The following SHISAL1 variants were observed in gnomAD, a reference collection of about 807,000 sequenced individuals.
SHISAL1 encodes the protein protein shisa-like-1.
In SHISAL1, 9 loss-of-function variants were observed where a neutral mutation model predicts 22.6. The observed-to-expected ratio is 0.40, with a 90% CI of 0.24 to 0.70. The LOEUF is 0.70. SHISAL1 is among the 30% of genes least tolerant of loss of function. The pLI, the probability that SHISAL1 is intolerant of heterozygous loss-of-function variation, is 0.39. For synonymous variants in SHISAL1, 119 were observed against 115.4 expected (o/e 1.03, Z -0.20); for missense variants, 246 against 270.6 (o/e 0.91, Z 0.64).
chr22:44,253,603 T>G (rs1205112060), intron 4 of SHISAL1, among the ~76,000 whole-genome samples: 1 of 151,418 alleles, frequency 6.6e-6, no homozygotes, highest in African/African-American at 2.4e-5. Context: ...CTAATTTTTT[T>G]TTTTTTTTTT....
Position 44,309,679 on chromosome 22 carries a change from A to G in SHISAL1, c.-33+3072T>C, listed in dbSNP as rs193201910. 9.1e-3 allele frequency among the ~76,000 whole-genome samples: 1,388 copies of G among 152,250 alleles called. 56 individuals carry two copies. Among genetic ancestry groups the G allele is most frequent in the Admixed American group, 0.077 (1,178 of 15,304 alleles). ...AGCACTTGTGTGCATGCCTGTCTCC[A>G]CACAGCACACACATGTACACACGTG... On this transcript the variant is annotated intron_variant, in intron 1 of 4. Coordinates refer to ENST00000381176, the MANE Select transcript of SHISAL1 (RefSeq NM_001099294.2).
chr22:44,270,776 G>T (rs147142763), intron 4 of SHISAL1, among the ~76,000 whole-genome samples: 129 of 152,292 alleles, frequency 8.5e-4, no homozygotes, highest in South Asian at 1.0e-3. Flanking sequence ...TGCCCAGTGA[G>T]ACCACCAGCA....
intron 3 of SHISAL1, among the ~76,000 whole-genome samples, chr22:44,295,049 T>A (rs1049456545): frequency 6.6e-6 from 1 of 152,104 alleles, no homozygotes; most frequent in Non-Finnish European, 1.5e-5. Flanking sequence ...ACTAACTGGA[T>A]TTTTTTGGGG....
chr22:44,250,721 A>C lies in SHISAL1; in HGVS notation c.*-1036T>G, dbSNP rs909058945. ...GCATGAGAATGAAAGACGCTCACTA[A>C]CACAGGTGGAGTAGAAAGCAGGCAG... is the stretch of plus-strand genomic sequence containing the variant. On this transcript the variant is annotated intron_variant, in intron 4 of 4. Coordinates refer to ENST00000381176, the MANE Select transcript of SHISAL1 (RefSeq NM_001099294.2). 3.9e-5 allele frequency among the ~76,000 whole-genome samples: 6 copies of C among 152,218 alleles called. No homozygotes were observed. The South Asian group carries it at 8.3e-4, about 21-fold the overall frequency.
chr22:44,269,602 A>G (rs929697579), intron 4 of SHISAL1, among the ~76,000 whole-genome samples: 1 of 144,428 alleles, frequency 6.9e-6, no homozygotes, highest in Non-Finnish European at 1.5e-5. Context: ...ACACACACAC[A>G]CGCCACACAG....
the SHISAL1 span, among the ~76,000 whole-genome samples, chr22:44,323,668 CA>C: frequency 2.0e-5 from 3 of 150,150 alleles, no homozygotes; most frequent in African/African-American, 7.4e-5. Flanking sequence ...TCCATCCATC[CA>C]TCCATCCATC....
intron 4 of SHISAL1, among the ~76,000 whole-genome samples, chr22:44,274,133 C>G (rs548733421): frequency 6.7e-6 from 1 of 148,314 alleles, no homozygotes; most frequent in East Asian, 2.1e-4. Flanking sequence ...GTAATCCCAG[C>G]TACTCGGGAA....
At chr22:44,302,138 C>T (rs926410977) in intron 1 of SHISAL1, among the ~76,000 whole-genome samples, 32 of 152,048 alleles carry the variant, frequency 2.1e-4, no homozygotes, top group Non-Finnish European at 3.1e-4. Context: ...GTCAGGAGTT[C>T]GAGACCAGCC....
In SHISAL1 at chr22:44,249,405, A is replaced by G. The variant is rs1405370009; in HGVS notation, c.*280T>C. On this transcript the variant is annotated 3_prime_UTR_variant, in exon 5 of 5. Transcript: ENST00000381176. ...TTGTCTTGGTCATCCTGAGTCCACA[A>G]TGAGTCACCTCTCAGAAGCCACCAG... 5.1e-6 allele frequency: 2 copies of G among 395,168 alleles called. No homozygotes were observed. The highest frequency in any genetic ancestry group is 4.6e-6 in the Non-Finnish European group (1 of 217,792). The allele number at this position is 395,168 out of a possible 1,614,324, so 24.5% of individuals were successfully genotyped here. A position where few individuals can be genotyped will look rare whatever the true frequency, so the allele number is the denominator to read the frequency against.
rs1238104646 is a variant in SHISAL1 at position 44,247,084 on chromosome 22, TCTAG to T, written c.*2597_*2600del. 2.0e-5 allele frequency: 3 copies of T among 152,290 alleles called. No individual in the cohort carries two copies. The highest frequency in any genetic ancestry group is 2.1e-4 in the South Asian group (1 of 4,808). 9.4% of individuals were successfully genotyped at this position (152,290 alleles called of 1,614,324 possible). A position where few individuals can be genotyped will look rare whatever the true frequency, so the allele number is the denominator to read the frequency against. On this transcript the variant is annotated 3_prime_UTR_variant, in exon 5 of 5. Coordinates refer to ENST00000381176, the MANE Select transcript of SHISAL1 (RefSeq NM_001099294.2). ...AAGGGATGCTTAGGTGAACCCCAGT[TCTAG>T]CTGTCTATTTGGCAGTGACCTTTGA...
At chr22:44,294,635 C>T (rs1275047393) in intron 3 of SHISAL1, among the ~76,000 whole-genome samples, 1 of 152,084 alleles carries the variant, frequency 6.6e-6, no homozygotes, top group African/African-American at 2.4e-5. Context: ...AGAAGTGAGG[C>T]ACGAAAACAG....
At chr22:44,300,791 C>T (rs1397692744) in intron 2 of SHISAL1, 88 bp downstream of exon 2, 1 of 1,153,356 alleles carries the variant, frequency 8.7e-7, no homozygotes, top group African/African-American at 1.5e-5. Flanking sequence ...TGTGTGCCCC[C>T]AGAACCCCAG....
chr22:44,280,254 TG>T (rs1199282830), intron 4 of SHISAL1, among the ~76,000 whole-genome samples: 2 of 151,662 alleles, frequency 1.3e-5, no homozygotes, highest in African/African-American at 2.4e-5. Context: ...GGCAGTGAGG[TG>T]GGGGGAGGCT....
intron 3 of SHISAL1, among the ~76,000 whole-genome samples, chr22:44,295,971 G>T (rs2055382565): frequency 6.6e-6 from 1 of 152,184 alleles, no homozygotes; most frequent in Non-Finnish European, 1.5e-5. Flanking sequence ...AACTGCATGG[G>T]ATTAATCTCT....
intron 4 of SHISAL1, among the ~76,000 whole-genome samples, chr22:44,264,749 C>T (rs1477364116): frequency 2.6e-5 from 4 of 151,946 alleles, no homozygotes; most frequent in South Asian, 2.1e-4. Flanking sequence ...ATTCACAAGC[C>T]GTGTGATCTT....
Position 44,277,903 on chromosome 22 carries a change from C to T in SHISAL1, c.599+7525G>A, listed in dbSNP as rs529858964. Among the ~76,000 whole-genome samples the T allele has an allele frequency of 9.8e-5, 15 of 152,324 alleles. 1 individual carries two copies. Among genetic ancestry groups the T allele is most frequent in the South Asian group, 8.3e-4 (4 of 4,820 alleles). ...CCATTTTATGTGCAGGATGACAACA[C>T]TGCCCTGATGACCGGCCAGGCTGGA... On this transcript the variant is annotated intron_variant, in intron 4 of 4. Coordinates refer to ENST00000381176, the MANE Select transcript of SHISAL1 (RefSeq NM_001099294.2).
At chr22:44,324,920 C>T in the SHISAL1 span, among the ~76,000 whole-genome samples, 1 of 152,200 alleles carries the variant, frequency 6.6e-6, no homozygotes, top group African/African-American at 2.4e-5. Flanking sequence ...GCCCAGCGCC[C>T]AGAAGCTTGA....
chr22:44,307,685 G>GGT (rs1231716123), intron 1 of SHISAL1, among the ~76,000 whole-genome samples: 1 of 152,104 alleles, frequency 6.6e-6, no homozygotes, highest in African/African-American at 2.4e-5. Context: ...CCACCCCTCC[G>GGT]GTCAGCCTGG....
upstream of SHISAL1, among the ~76,000 whole-genome samples, chr22:44,314,749 G>A (rs914324824): frequency 2.0e-5 from 3 of 152,090 alleles, no homozygotes; most frequent in Non-Finnish European, 4.4e-5. Context: ...AGCTCACAGC[G>A]GCGCTATGGA....
Sources: gnomAD v4.1 joint callset for allele counts (sites outside exome capture counted in the v4.1 genomes callset) on GRCh38, gnomAD v4.1.1 for gene constraint, MANE v1.5 for transcripts, NCBI Gene and HGNC (gene_info 2026-07-23, HGNC 2026-07-21) for gene names.